Variants in PBX1 observed in about 807,000 individuals in gnomAD.
PBX1 encodes PBX homeobox 1.
PBX1 carries 6 observed loss-of-function variants against 53.4 expected under a neutral mutation model. That is an observed-to-expected ratio of 0.11 (90% CI 0.06 to 0.22). PBX1 has a LOEUF of 0.22. PBX1 is among the 10% of genes least tolerant of loss of function. The pLI, the probability that PBX1 is intolerant of heterozygous loss-of-function variation, is 1.00. For synonymous variants in PBX1, 204 were observed against 212.3 expected (o/e 0.96, Z 0.34); for missense variants, 251 against 551.4 (o/e 0.46, Z 5.46).
At chr1:164,650,056 C>G (rs771495261) in intron 2 of PBX1, among the ~76,000 whole-genome samples, 3 of 152,136 alleles carry the variant, frequency 2.0e-5, no homozygotes, top group Non-Finnish European at 2.9e-5. Flanking sequence ...CAACTCTTAA[C>G]TCTGGCCATG....
At chr1:164,565,857 T>A (rs2101695985) in intron 2 of PBX1, among the ~76,000 whole-genome samples, 1 of 152,174 alleles carries the variant, frequency 6.6e-6, no homozygotes, top group South Asian at 2.1e-4. Flanking sequence ...TTTTCTATTG[T>A]TACTTTCAAG....
At chr1:164,682,154 C>A (rs2101999260) in intron 2 of PBX1, 1 of 152,232 alleles carries the variant, frequency 6.6e-6, no homozygotes, top group South Asian at 2.1e-4. Context: ...ATGTGATCTA[C>A]CAATAATGTT....
In PBX1 at chr1:164,847,140, CCTT is replaced by C. The variant is rs1386674131; in HGVS notation, c.*467_*469del. On this transcript the variant is annotated 3_prime_UTR_variant, in exon 9 of 9. Transcript: ENST00000420696. ...CTCACTCCCTATGTTAACAGGCAAT[CCTT>C]CTCTGTTTCTCTTATTACTCTCACT... is the stretch of plus-strand genomic sequence containing the variant. The C allele has an allele frequency of 1.8e-6, 2 of 1,090,008 alleles. No individual in the cohort carries two copies. Among genetic ancestry groups the C allele is most frequent in the East Asian group, 4.4e-5 (1 of 22,796 alleles). 67.5% of individuals were successfully genotyped at this position (1,090,008 alleles called of 1,614,324 possible). A position where few individuals can be genotyped will look rare whatever the true frequency, so the allele number is the denominator to read the frequency against.
At chr1:164,596,962 G>C (rs1167514947) in intron 2 of PBX1, among the ~76,000 whole-genome samples, 1 of 152,104 alleles carries the variant, frequency 6.6e-6, no homozygotes, top group African/African-American at 2.4e-5. Context: ...AAGTGGTACA[G>C]CGTGGATATG....
At chr1:164,735,980 G>A (rs974379732) in intron 2 of PBX1, among the ~76,000 whole-genome samples, 3 of 152,150 alleles carry the variant, frequency 2.0e-5, no homozygotes, top group African/African-American at 7.2e-5. Context: ...AGGAGTCATT[G>A]TGGCTTGTCT....
At chr1:164,863,840 T>C (rs1672151879) in intron 2 of PBX1, among the ~76,000 whole-genome samples, 1 of 152,120 alleles carries the variant, frequency 6.6e-6, no homozygotes, top group Non-Finnish European at 1.5e-5. Flanking sequence ...GAGGACCACA[T>C]GAGGTGGCAT....
intron 2 of PBX1, among the ~76,000 whole-genome samples, chr1:164,611,449 A>G (rs1656920578): frequency 6.6e-6 from 1 of 152,036 alleles, no homozygotes; most frequent in South Asian, 2.1e-4. Flanking sequence ...CGTGTTAGCC[A>G]GGATGGTCTC....
intron 2 of PBX1, among the ~76,000 whole-genome samples, chr1:164,636,903 A>G (rs1268969104): frequency 1.3e-5 from 2 of 152,116 alleles, no homozygotes; most frequent in Non-Finnish European, 2.9e-5. Flanking sequence ...AGTGTAGGAT[A>G]TGGTAGGAGG....
chr1:164,858,515 C>A (rs1256572473), intron 2 of PBX1, among the ~76,000 whole-genome samples: 2 of 151,968 alleles, frequency 1.3e-5, no homozygotes, highest in Non-Finnish European at 2.9e-5. Flanking sequence ...TCTGAAACCA[C>A]AACTCTCATA....
intron 2 of PBX1, among the ~76,000 whole-genome samples, chr1:164,666,087 G>A (rs1225862603): frequency 1.3e-5 from 2 of 152,192 alleles, no homozygotes; most frequent in African/African-American, 4.8e-5. Flanking sequence ...ACAAGATGGA[G>A]TTGAAGAGAT....
At chr1:164,576,642 G>A (rs1168693379) in intron 2 of PBX1, 1 of 152,370 alleles carries the variant, frequency 6.6e-6, no homozygotes, top group South Asian at 2.1e-4. Context: ...TCTGCTCCCG[G>A]CGGCGGCCCG....
intron 2 of PBX1, among the ~76,000 whole-genome samples, chr1:164,741,732 A>T (rs890491240): frequency 1.6e-3 from 161 of 102,286 alleles, no homozygotes; most frequent in Non-Finnish European, 2.6e-3. Flanking sequence ...GTGAGCATGT[A>T]TGAGTGAGTG....
At chr1:164,573,276 G>T (rs1653996459) in intron 2 of PBX1, among the ~76,000 whole-genome samples, 1 of 151,552 alleles carries the variant, frequency 6.6e-6, no homozygotes, top group African/African-American at 2.4e-5. Context: ...TAAATTTAAT[G>T]ATTTAAATTT....
intron 2 of PBX1, among the ~76,000 whole-genome samples, chr1:164,627,866 T>A (rs1173984199): frequency 6.6e-6 from 1 of 152,190 alleles, no homozygotes; most frequent in Non-Finnish European, 1.5e-5. Context: ...CACACATCAC[T>A]GTGTTAGAGA....
intron 2 of PBX1, among the ~76,000 whole-genome samples, chr1:164,701,717 C>T (rs548252436): frequency 1.3e-5 from 2 of 152,326 alleles, no homozygotes; most frequent in African/African-American, 4.8e-5. Flanking sequence ...CTCACTTCAT[C>T]AGCACATGGG....
At chr1:164,699,768 C>T (rs1242065697) in intron 2 of PBX1, among the ~76,000 whole-genome samples, 6 of 152,064 alleles carry the variant, frequency 3.9e-5, no homozygotes, top group Non-Finnish European at 4.4e-5. Flanking sequence ...CTCCCCATCC[C>T]CTTTATTCTT....
intron 2 of PBX1, among the ~76,000 whole-genome samples, chr1:164,569,563 C>CA (rs1653681182): frequency 2.8e-5 from 3 of 106,534 alleles, no homozygotes; most frequent in African/African-American, 1.1e-4. Context: ...TTTTTCCTTG[C>CA]ATTTTTTTTT....
chr1:164,576,128 G>A (rs779367309), intron 2 of PBX1, among the ~76,000 whole-genome samples: 6 of 152,194 alleles, frequency 3.9e-5, no homozygotes, highest in Admixed American at 1.3e-4. Flanking sequence ...TAAAACTTTT[G>A]GAACCAAGAA....
chr1:164,707,418 T>TGTGTGTGA (rs58617739), intron 2 of PBX1, among the ~76,000 whole-genome samples: 1,768 of 118,144 alleles, frequency 0.015, 56 homozygotes, highest in African/African-American at 0.054. Context: ...TGTGTGTGTG[T>TGTGTGTGA]GAGAGAGAGA....
Sources: allele counts gnomAD v4.1 joint callset (sites outside exome capture counted in the v4.1 genomes callset), GRCh38; gene constraint gnomAD v4.1.1; transcripts MANE v1.5; gene names NCBI Gene and HGNC (gene_info 2026-07-23, HGNC 2026-07-21).